Variants in CHRNB4 observed in about 807,000 individuals in gnomAD.
CHRNB4 encodes cholinergic receptor nicotinic beta 4 subunit.
In CHRNB4, 23 loss-of-function variants were observed where a neutral mutation model predicts 40.4. That is an observed-to-expected ratio of 0.57 (90% CI 0.41 to 0.81). The LOEUF (loss-of-function observed/expected upper bound fraction) is 0.81, where lower values mean the gene tolerates loss of function less well. Among genes scored for constraint, CHRNB4 ranks in the 30% least tolerant of loss-of-function variants. The pLI is 0.00. For synonymous variants in CHRNB4, 285 were observed against 274.4 expected, an observed-to-expected ratio of 1.04 and a Z score of -0.38; for missense variants, 568 against 670.6, an observed-to-expected ratio of 0.85 and a Z score of 1.69.
At chr15:78,653,832 C>T (rs1338325904) in intron 5 of CHRNB4, among the ~76,000 whole-genome samples, 2 of 152,182 alleles carry the variant, frequency 1.3e-5, no homozygotes, top group South Asian at 2.1e-4. Context: ...AATCCAGCTA[C>T]CTCCTCCTCT....
rs376501084 is a variant in CHRNB4 at position 78,635,441 on chromosome 15, C to T, written c.202G>A (p.Val68Met). 65 of 1,613,708 alleles carry T rather than the reference C, an allele frequency of 4.0e-5. No homozygotes were observed. Among genetic ancestry groups the T allele is most frequent in the East Asian group, 1.3e-4 (6 of 44,886 alleles). The change falls in exon 2 of 6, where the codon GTG becomes ATG. Residue 68 changes from valine to methionine, a missense_variant and splice_region_variant. Val to Met is a conservative substitution (Grantham distance 21, BLOSUM62 1). Around this residue, in one of 4 missense-constraint regions of CHRNB4, gnomAD observed 161 missense variants for 148.1 expected, o/e 1.09. Transcript: ENST00000261751. ...CCACAGCTGCCCTCTGCACCTACCA[C>T]GCTGATAAGCTGGGCCAGGGAGAGC... ...LQLSLAQLIS[V>M]NEREQIMTTN...
At chr15:78,627,271 G>A (rs1275936223) in intron 5 of CHRNB4, 1 of 152,210 alleles carries the variant, frequency 6.6e-6, no homozygotes, top group East Asian at 1.9e-4. Flanking sequence ...AAACTGCAAT[G>A]GGTCTGGGAA....
intron 4 of CHRNB4, among the ~76,000 whole-genome samples, chr15:78,630,769 A>G (rs1029913158): frequency 6.6e-6 from 1 of 152,228 alleles, no homozygotes; most frequent in African/African-American, 2.4e-5. Flanking sequence ...GCAAAGCAAC[A>G]GAGGCTCAAA....
At chr15:78,637,482 T>C (rs2053976814) in intron 1 of CHRNB4, among the ~76,000 whole-genome samples, 1 of 145,556 alleles carries the variant, frequency 6.9e-6, no homozygotes, top group Admixed American at 6.9e-5. Context: ...GATCAGGGAA[T>C]AAGAGGGGCC....
chr15:78,641,293 A>G, upstream of CHRNB4: 1 of 598,260 alleles, frequency 1.7e-6, no homozygotes, highest in Non-Finnish European at 2.7e-6. Flanking sequence ...AGCCCCGCCC[A>G]CTCAGGGATG....
chr15:78,649,267 G>C, intron 7 of CHRNB4: 1 of 310,564 alleles, frequency 3.2e-6, no homozygotes, highest in South Asian at 2.6e-5. Flanking sequence ...GTGTACCCCA[G>C]AGACACTCAT....
At chr15:78,630,845 T>C (rs72650610) in intron 4 of CHRNB4, 157 of 539,062 alleles carry the variant, frequency 2.9e-4, no homozygotes, top group Non-Finnish European at 5.0e-4. Context: ...GTCCCAGCTC[T>C]GCTTCAGTGA....
chr15:78,652,832 G>A (rs572041803), intron 5 of CHRNB4, among the ~76,000 whole-genome samples: 50 of 152,288 alleles, frequency 3.3e-4, no homozygotes, highest in African/African-American at 1.1e-3. Flanking sequence ...AGAGCATGTC[G>A]CAGTGATTTG....
At chr15:78,647,035 G>A (rs560430138) in intron 7 of CHRNB4, among the ~76,000 whole-genome samples, 36 of 152,304 alleles carry the variant, frequency 2.4e-4, no homozygotes, top group Middle Eastern at 3.4e-3. Context: ...CTGTACTTAG[G>A]AGGCTGAGGC....
At chr15:78,654,520 C>A (rs1310407230) in intron 5 of CHRNB4, among the ~76,000 whole-genome samples, 1 of 152,082 alleles carries the variant, frequency 6.6e-6, no homozygotes, top group African/African-American at 2.4e-5. Context: ...GCTGTGTAAC[C>A]CTGGGCAAAC....
chr15:78,638,628 C>CT (rs2054005193), intron 1 of CHRNB4, among the ~76,000 whole-genome samples: 2 of 150,264 alleles, frequency 1.3e-5, no homozygotes, highest in African/African-American at 4.9e-5. Context: ...GCCGGGGGGC[C>CT]GGGGGGGTGG....
upstream of CHRNB4, among the ~76,000 whole-genome samples, chr15:78,641,490 C>G (rs1442403801): frequency 6.6e-6 from 1 of 152,248 alleles, no homozygotes; most frequent in African/African-American, 2.4e-5. Flanking sequence ...CAGGATCCCT[C>G]TACTGTTGGG....
At chr15:78,648,150 T>C (rs1001509346) in intron 7 of CHRNB4, among the ~76,000 whole-genome samples, 1 of 151,806 alleles carries the variant, frequency 6.6e-6, no homozygotes, top group Non-Finnish European at 1.5e-5. Flanking sequence ...TCCCAGCACT[T>C]TGGAAGGCCT....
At chr15:78,661,236 G>A, upstream of CHRNB4, 1 of 608,330 alleles carries the variant, frequency 1.6e-6, no homozygotes, top group Non-Finnish European at 3.2e-6. Context: ...GGGCCAGCTG[G>A]TCAAAAGTGA....
chr15:78,648,735 CAG>C (rs1027062729), intron 7 of CHRNB4, among the ~76,000 whole-genome samples: 2 of 127,164 alleles, frequency 1.6e-5, no homozygotes, highest in African/African-American at 6.1e-5. Context: ...GCCTGGGCGA[CAG>C]AGTGAGACTC....
Position 78,652,488 on chromosome 15 carries a change from A to T in CHRNB4, c.-16+90T>A, listed in dbSNP as rs112374820. 5.0e-3 allele frequency: 764 copies of T among 152,428 alleles called. 7 individuals are homozygous for T. Among genetic ancestry groups the T allele is most frequent in the African/African-American group, 0.017 (691 of 41,566 alleles). 9.4% of individuals were successfully genotyped at this position (152,428 alleles called of 1,614,324 possible). A position where few individuals can be genotyped will look rare whatever the true frequency, so the allele number is the denominator to read the frequency against. On this transcript the variant is annotated intron_variant and NMD_transcript_variant, in intron 6 of 11. Transcript: ENST00000559849. Reference sequence around the variant, plus strand: ...TCAGCCTGAAGGGCTTGAGACAAGGAACAGCTGGTTCCCACCCCTCTGGCC... The same window carrying T: ...TCAGCCTGAAGGGCTTGAGACAAGGTACAGCTGGTTCCCACCCCTCTGGCC...
intron 7 of CHRNB4, among the ~76,000 whole-genome samples, chr15:78,646,670 ATC>A (rs1347538534): frequency 1.3e-5 from 2 of 152,204 alleles, no homozygotes; most frequent in Non-Finnish European, 2.9e-5. Flanking sequence ...ACTCTCCTGC[ATC>A]TCTTCTTATG....
chr15:78,632,300 C>CGTGT (rs368583386), intron 2 of CHRNB4, among the ~76,000 whole-genome samples: 100 of 142,802 alleles, frequency 7.0e-4, no homozygotes, highest in African/African-American at 2.2e-3. Flanking sequence ...TCTTTTCTTT[C>CGTGT]GTGTGTGTGT....
At chr15:78,646,630 C>G (rs1286022654) in intron 7 of CHRNB4, among the ~76,000 whole-genome samples, 1 of 152,170 alleles carries the variant, frequency 6.6e-6, no homozygotes, top group Non-Finnish European at 1.5e-5. Flanking sequence ...TGTATCCTCA[C>G]ATGGCAGAGA....
Sources: gnomAD v4.1 joint callset for allele counts (sites outside exome capture counted in the v4.1 genomes callset) on GRCh38, gnomAD v4.1.1 for gene constraint, gnomAD v4.1.1 regional missense constraint, MANE v1.5 for transcripts, NCBI Gene and HGNC (gene_info 2026-07-23, HGNC 2026-07-21) for gene names.